PAN3: variants seen among roughly 807,000 people sequenced by gnomAD.
PAN3 encodes PAN2-PAN3 deadenylation complex subunit PAN3.
In PAN3, 19 loss-of-function variants were observed where a neutral mutation model predicts 96.2. The ratio of observed to expected loss-of-function variants is 0.20; its 90% CI spans 0.14 to 0.29. PAN3 has a LOEUF of 0.29. Among genes scored for constraint, PAN3 ranks in the 10% least tolerant of loss-of-function variants. The pLI is 1.00. For missense variants in PAN3, 882 were observed against 1,108.1 expected (o/e 0.80, Z 2.90); for synonymous variants, 433 against 406.6 (o/e 1.06, Z -0.78).
At chr13:28,142,683 T>A (rs1395562856) in intron 1 of PAN3, among the ~76,000 whole-genome samples, 1 of 152,078 alleles carries the variant, frequency 6.6e-6, no homozygotes, top group East Asian at 1.9e-4. Context: ...ATACCATAAT[T>A]TAGTGTTTTT....
intron 6 of PAN3, among the ~76,000 whole-genome samples, chr13:28,230,066 CT>C (rs1373208316): frequency 2.1e-5 from 3 of 141,866 alleles, no homozygotes; most frequent in African/African-American, 2.6e-5. Flanking sequence ...TTTTTTTTTT[CT>C]TTTTTTTTAA....
intron 7 of PAN3, among the ~76,000 whole-genome samples, chr13:28,258,814 A>G (rs1885432494): frequency 6.6e-6 from 1 of 151,672 alleles, no homozygotes; most frequent in Non-Finnish European, 1.5e-5. Flanking sequence ...ATAGAATGAC[A>G]TAGTATTTGC....
At chr13:28,185,629 G>A (rs758694250) in intron 4 of PAN3, among the ~76,000 whole-genome samples, 8 of 151,956 alleles carry the variant, frequency 5.3e-5, no homozygotes, top group South Asian at 4.1e-4. Context: ...AGGTGTGTGT[G>A]GTAGTATGGT....
chr13:28,267,746 AC>A (rs1272089217), intron 12 of PAN3, among the ~76,000 whole-genome samples: 2 of 152,140 alleles, frequency 1.3e-5, no homozygotes, highest in African/African-American at 4.8e-5. Flanking sequence ...ATCTCATGAG[AC>A]CTATTCACTA....
chr13:28,207,169 G>A (rs1399899278), intron 5 of PAN3, among the ~76,000 whole-genome samples: 1 of 152,064 alleles, frequency 6.6e-6, no homozygotes, highest in Non-Finnish European at 1.5e-5. Flanking sequence ...ACAACTATAT[G>A]CCACCATATA....
At chr13:28,168,873 T>G (rs1873920919) in intron 1 of PAN3, among the ~76,000 whole-genome samples, 1 of 149,994 alleles carries the variant, frequency 6.7e-6, no homozygotes, top group African/African-American at 2.5e-5. Context: ...AAAAAATTAC[T>G]TGGGTGTGGT....
chr13:28,287,942 A>G (rs1869195473), intron 17 of PAN3, 42 bp from the exon 18 acceptor site: 5 of 1,574,424 alleles, frequency 3.2e-6, no homozygotes, highest in East Asian at 2.3e-5. Context: ...GCCACAGACC[A>G]TACAGCATGA....
At chr13:28,266,331 G>A (rs1390671569) in intron 9 of PAN3, among the ~76,000 whole-genome samples, 1 of 152,092 alleles carries the variant, frequency 6.6e-6, no homozygotes, top group Non-Finnish European at 1.5e-5. Flanking sequence ...AAACATGATG[G>A]TATTTGAAGC....
intron 15 of PAN3, among the ~76,000 whole-genome samples, chr13:28,280,179 C>T (rs866430059): frequency 1.3e-5 from 2 of 152,090 alleles, no homozygotes; most frequent in African/African-American, 4.8e-5. Flanking sequence ...TTCTCATTTC[C>T]ATAGTAGTGA....
chr13:28,216,041 G>T (rs1880714096), intron 5 of PAN3: 3 of 523,708 alleles, frequency 5.7e-6, no homozygotes, highest in Non-Finnish European at 1.0e-5. Flanking sequence ...CAGAAGGAAA[G>T]GAGAATGTTT....
intron 5 of PAN3, among the ~76,000 whole-genome samples, chr13:28,209,734 C>T (rs1474292184): frequency 6.6e-6 from 1 of 151,940 alleles, no homozygotes; most frequent in Non-Finnish European, 1.5e-5. Flanking sequence ...TCTCCCGTCT[C>T]CTCCCGTTTT....
intron 1 of PAN3, among the ~76,000 whole-genome samples, chr13:28,164,824 T>C (rs566705765): frequency 2.0e-5 from 3 of 152,250 alleles, no homozygotes; most frequent in Non-Finnish European, 4.4e-5. Context: ...AAAATTAAGC[T>C]GCAGGATTGG....
At chr13:28,147,676 TG>T (rs1870851266) in intron 1 of PAN3, among the ~76,000 whole-genome samples, 1 of 152,198 alleles carries the variant, frequency 6.6e-6, no homozygotes, top group Non-Finnish European at 1.5e-5. Flanking sequence ...ATCACTAACC[TG>T]GGAAAAGATT....
intron 6 of PAN3, among the ~76,000 whole-genome samples, chr13:28,254,211 A>C (rs950451011): frequency 6.6e-6 from 1 of 152,122 alleles, no homozygotes; most frequent in Non-Finnish European, 1.5e-5. Flanking sequence ...AATTAAATCA[A>C]CCTGAGTTTG....
intron 1 of PAN3, among the ~76,000 whole-genome samples, chr13:28,161,401 TTTACTTGA>T (rs1872864844): frequency 6.6e-6 from 1 of 152,248 alleles, no homozygotes; most frequent in Non-Finnish European, 1.5e-5. Flanking sequence ...TCCTGTCATC[TTTACTTGA>T]TGTTTTCCCT....
chr13:28,236,011 C>T (rs923723949), intron 6 of PAN3, among the ~76,000 whole-genome samples: 3 of 151,842 alleles, frequency 2.0e-5, no homozygotes, highest in Non-Finnish European at 4.4e-5. Context: ...GGATTACATA[C>T]GTGAACCCCG....
intron 4 of PAN3, among the ~76,000 whole-genome samples, chr13:28,179,495 G>A (rs1161991070): frequency 1.3e-5 from 2 of 152,138 alleles, no homozygotes; most frequent in Admixed American, 6.6e-5. Context: ...CGGGAGAATT[G>A]CATGAGCCCA....
intron 12 of PAN3, 136 bp downstream of exon 12, chr13:28,267,537 T>C: frequency 1.4e-6 from 1 of 724,108 alleles, no homozygotes; most frequent in African/African-American, 1.8e-5. Context: ...TTTGTACTAG[T>C]TGTTTTCATG....
intron 15 of PAN3, among the ~76,000 whole-genome samples, chr13:28,280,123 G>T (rs911444257): frequency 2.6e-5 from 4 of 152,076 alleles, no homozygotes; most frequent in African/African-American, 9.7e-5. Flanking sequence ...TGTAAAGAAG[G>T]GTTTGAGAAT....
Sources: gnomAD v4.1 joint callset for allele counts (sites outside exome capture counted in the v4.1 genomes callset) on GRCh38, gnomAD v4.1.1 for gene constraint, MANE v1.5 for transcripts, NCBI Gene and HGNC (gene_info 2026-07-23, HGNC 2026-07-21) for gene names.